Variants in CLN5 observed in about 807,000 individuals in gnomAD.
The protein encoded by CLN5 is CLN5 lysosomal BMP synthase, also known as bis(monoacylglycero)phosphate synthase CLN5.
CLN5 carries 34 observed loss-of-function variants against 36.7 expected under a neutral mutation model. That is an observed-to-expected ratio of 0.93 (90% CI 0.71 to 1.23). The LOEUF (loss-of-function observed/expected upper bound fraction) is 1.23. Ranked by LOEUF, CLN5 falls within the 50% of genes most tolerant of loss-of-function variation. The pLI is 0.00. For missense variants in CLN5, 427 were observed against 439.4 expected (o/e 0.97, Z 0.25); for synonymous variants, 151 against 155.1 (o/e 0.97, Z 0.20).
intron 3 of CLN5, chr13:76,997,932 T>C (rs779522197): frequency 1.3e-5 from 2 of 152,224 alleles, no homozygotes; most frequent in South Asian, 2.1e-4. Context: ...TGAAAAATAA[T>C]AGCTACTAAT....
rs533592974 is a variant in CLN5 at position 77,003,062 on chromosome 13, G to A, written c.*2093G>A. The A allele has an allele frequency of 6.6e-6, 1 of 151,970 alleles. No homozygotes were observed. Among genetic ancestry groups the A allele is most frequent in the South Asian group, 2.1e-4 (1 of 4,816 alleles). 9.4% of individuals were successfully genotyped at this position (151,970 alleles called of 1,614,324 possible). A position where few individuals can be genotyped will look rare whatever the true frequency, so the allele number is the denominator to read the frequency against. On this transcript the variant is annotated 3_prime_UTR_variant, in exon 4 of 4. Transcript: ENST00000377453. ...TACGCCTGTAATCCTATCACTTTGC[G>A]AAACTGAGGTGGTGGAAGGATCACT...
chr13:77,000,385 A>T, intron 3 of CLN5, 73 bp from the exon 4 acceptor site: 31 of 504,790 alleles, frequency 6.1e-5, no homozygotes, highest in Non-Finnish European at 2.7e-5. Flanking sequence ...ACCTGTCTTA[A>T]AAAAAAAAAA....
intron 1 of CLN5, chr13:76,993,809 A>G (rs1350003268): frequency 6.6e-6 from 1 of 152,190 alleles, no homozygotes; most frequent in Admixed American, 6.5e-5. Context: ...TTAAGTTAAA[A>G]TAGAAATTTT....
chr13:77,002,013 G>A lies in CLN5; in HGVS notation c.*1044G>A, dbSNP rs2034372395. On this transcript the variant is annotated 3_prime_UTR_variant, in exon 4 of 4. Coordinates refer to ENST00000377453, the MANE Select transcript of CLN5 (RefSeq NM_006493.4). ...TAATTAGAGCCAGACAAGCTTTCAA[G>A]GTCCTTTAAGTATTTGATGATCAAC... 6.6e-6 allele frequency: 1 copy of A among 152,154 alleles called. No homozygotes were observed. Among genetic ancestry groups the A allele is most frequent in the African/African-American group, 2.4e-5 (1 of 41,432 alleles). The allele number at this position is 152,154 out of a possible 1,614,324, so 9.4% of individuals were successfully genotyped here. A position where few individuals can be genotyped will look rare whatever the true frequency, so the allele number is the denominator to read the frequency against.
rs1199556852 is a variant in CLN5, at chr13:77,004,557, C to A, written c.*3588C>A. 1 of 152,126 alleles carries A rather than the reference C, an allele frequency of 6.6e-6. No homozygotes were observed. The highest frequency in any genetic ancestry group is 1.9e-4 in the East Asian group (1 of 5,196). The allele number at this position is 152,126 out of a possible 1,614,324, so 9.4% of individuals were successfully genotyped here. On this transcript the variant is annotated 3_prime_UTR_variant, in exon 4 of 4. Transcript: ENST00000377453. ...TGCCCTTTTTAAAGTTGGGTGTCAG[C>A]AAGCAGCTGGAATTTTCCTGCCTGG...
At chr13:76,996,996 C>G (rs755011492) in intron 3 of CLN5, 1 of 152,046 alleles carries the variant, frequency 6.6e-6, no homozygotes, top group Non-Finnish European at 1.5e-5. Context: ...GCCATTCTTG[C>G]AGGAGTGAGG....
Position 77,000,807 on chromosome 13 carries a change from G to A in CLN5, c.915G>A (p.Leu305=), listed in dbSNP as rs760172666. 5.0e-6 allele frequency: 8 copies of A among 1,610,846 alleles called. No individual in the cohort carries two copies. In the South Asian group the frequency reaches 8.9e-5, roughly 18 times the overall value. ...FKPHLPTKEF[L]LSLLQIFDAV... The stretch of plus-strand genomic sequence containing the variant: ...CACATTTGCCAACTAAAGAATTTCT[G>A]TTGAGTCTCTTGCAAATTTTTGATG... The change falls in exon 4 of 4, where the codon CTG becomes CTA. Residue 305 remains leucine, a synonymous_variant. Transcript: ENST00000377453.
chr13:76,998,474 C>T (rs2034304894), intron 3 of CLN5: 1 of 152,122 alleles, frequency 6.6e-6, no homozygotes, highest in South Asian at 2.1e-4. Flanking sequence ...ATTGCTGTTC[C>T]CCAGAACAGT....
intron 3 of CLN5, chr13:76,998,394 G>A (rs991089597): frequency 2.6e-5 from 4 of 152,108 alleles, no homozygotes; most frequent in Admixed American, 1.3e-4. Flanking sequence ...GTGCAAAATG[G>A]AGACAATATA....
chr13:76,997,904 G>A (rs1055460483), intron 3 of CLN5: 3 of 152,188 alleles, frequency 2.0e-5, no homozygotes, highest in African/African-American at 7.2e-5. Flanking sequence ...AAAAATTTTA[G>A]TGATGATATT....
Position 76,992,250 on chromosome 13 carries a change from G to T in CLN5, c.152G>T (p.Arg51Leu). 3 of 1,581,178 alleles carry T rather than the reference G, an allele frequency of 1.9e-6. No individual in the cohort carries two copies. The highest frequency in any genetic ancestry group is 1.8e-5 in the Admixed American group (1 of 56,750). Residue 51 changes from arginine to leucine, a missense_variant, in exon 1 of 4, where the codon CGC becomes CTC. Transcript: ENST00000377453. ...CGGGTCTCGGGCATCCCCTCCCGGC[G>T]CCACTGGCCGGTGCCCTACAAGTGA... ...WSRVSGIPSRRHWPVPYKRFD... is the reference protein window; with the variant it reads ...WSRVSGIPSRLHWPVPYKRFD...
Position 77,001,672 on chromosome 13 carries a change from T to C in CLN5, c.*703T>C, listed in dbSNP as rs964906089. 3 of 152,250 alleles carry C rather than the reference T, an allele frequency of 2.0e-5. No individual in the cohort carries two copies. The highest frequency in any genetic ancestry group is 6.5e-5 in the Admixed American group (1 of 15,286). 9.4% of individuals were successfully genotyped at this position (152,250 alleles called of 1,614,324 possible). ...AGTTGTGTATGTTTGGCAGGTCACATTGAATGGCAGTGATAATGATTAATC... is the reference window on the plus strand; with the variant it reads ...AGTTGTGTATGTTTGGCAGGTCACACTGAATGGCAGTGATAATGATTAATC... On this transcript the variant is annotated 3_prime_UTR_variant, in exon 4 of 4. Transcript: ENST00000377453.
In CLN5 at chr13:77,002,112, C is replaced by T. The variant is rs1472465869; in HGVS notation, c.*1143C>T. The T allele has an allele frequency of 1.3e-5, 2 of 152,208 alleles. No individual in the cohort carries two copies. Among genetic ancestry groups the T allele is most frequent in the East Asian group, 1.9e-4 (1 of 5,200 alleles). The allele number at this position is 152,208 out of a possible 1,614,324, so 9.4% of individuals were successfully genotyped here. ...AGTAGATATCAGATAAAACAATTCA[C>T]GTTTAATATGTAAATGTACCAATTA... On this transcript the variant is annotated 3_prime_UTR_variant, in exon 4 of 4. Transcript: ENST00000377453.
intron 2 of CLN5, 155 bp downstream of exon 2, chr13:76,995,383 A>C (rs901315766): frequency 1.4e-6 from 1 of 715,636 alleles, no homozygotes; most frequent in Non-Finnish European, 2.4e-6. Flanking sequence ...AATAGTTACT[A>C]TCAGATTTTG....
chr13:76,992,492 T>TG, intron 1 of CLN5: 1 of 590,940 alleles, frequency 1.7e-6, no homozygotes, highest in Non-Finnish European at 3.0e-6. Flanking sequence ...TCGTCCCCTC[T>TG]GGTCACTTGC....
chr13:76,995,222 A>T lies in CLN5; in HGVS notation c.333A>T (p.Gly111=), dbSNP rs751611392. Reference sequence around the variant, plus strand: ...AATTTAAATATGGAGACCTCCTGGGACACTTGGTAAGGATGCATCTTGGTC... The same window carrying T: ...AATTTAAATATGGAGACCTCCTGGGTCACTTGGTAAGGATGCATCTTGGTC... ...VWEFKYGDLL[G]HLKIMHDAIG... Residue 111 remains glycine, a synonymous_variant, in exon 2 of 4, where the codon GGA becomes GGT. Transcript: ENST00000377453. 3.7e-6 allele frequency: 6 copies of T among 1,614,026 alleles called. No homozygotes were observed. The Admixed American group carries it at 1.0e-4, about 27-fold the overall frequency.
rs2034413133 is a variant in CLN5, at chr13:77,004,297, G to A, written c.*3328G>A. 6.6e-6 allele frequency: 1 copy of A among 152,208 alleles called. No homozygotes were observed. The highest frequency in any genetic ancestry group is 2.1e-4 in the South Asian group (1 of 4,828). The allele number at this position is 152,208 out of a possible 1,614,324, so 9.4% of individuals were successfully genotyped here. On this transcript the variant is annotated 3_prime_UTR_variant, in exon 4 of 4. Coordinates refer to ENST00000377453, the MANE Select transcript of CLN5 (RefSeq NM_006493.4). The stretch of plus-strand genomic sequence containing the variant: ...GTTGGCAGGCTATACAAAGAGTGAT[G>A]TTCCAAAACTACACACATGCTTTTT...
At chr13:76,993,265 C>T (rs1277731493) in intron 1 of CLN5, 1 of 152,150 alleles carries the variant, frequency 6.6e-6, no homozygotes, top group Non-Finnish European at 1.5e-5. Context: ...ATAGTGGTAG[C>T]ACGTACCTCA....
At chr13:76,994,530 C>G (rs1303723698) in intron 1 of CLN5, 3 of 157,826 alleles carry the variant, frequency 1.9e-5, no homozygotes, top group Non-Finnish European at 4.1e-5. Context: ...CAGCTCCCAC[C>G]CACAGTTCCA....
Sources: allele counts gnomAD v4.1 joint callset, GRCh38; gene constraint gnomAD v4.1.1; transcripts MANE v1.5; gene names NCBI Gene and HGNC (gene_info 2026-07-23, HGNC 2026-07-21).